Variants in HS3ST4 observed in about 807,000 individuals in gnomAD.
HS3ST4 encodes the protein heparan sulfate-glucosamine 3-sulfotransferase 4, also known as heparan sulfate glucosamine 3-O-sulfotransferase 4.
HS3ST4 carries 17 observed loss-of-function variants against 29.2 expected under a neutral mutation model. The observed-to-expected ratio is 0.58, with a 90% CI of 0.40 to 0.87. HS3ST4 has a LOEUF of 0.87. HS3ST4 is among the 40% of genes least tolerant of loss of function. The pLI is 0.00. For missense variants in HS3ST4, 627 were observed against 634.5 expected (o/e 0.99, Z 0.13); for synonymous variants, 314 against 285.7 (o/e 1.10, Z -1.00).
intron 1 of HS3ST4, among the ~76,000 whole-genome samples, chr16:25,918,881 ATG>A (rs1360373272): frequency 1.3e-5 from 2 of 152,130 alleles, no homozygotes; most frequent in East Asian, 3.9e-4. Flanking sequence ...TAGGTAGTAT[ATG>A]TGTGTGACAT....
intron 1 of HS3ST4, among the ~76,000 whole-genome samples, chr16:25,701,717 A>G (rs1259499264): frequency 2.0e-5 from 3 of 152,208 alleles, no homozygotes; most frequent in Admixed American, 1.3e-4. Context: ...ACCATGTGCT[A>G]TGTGCTTGGC....
intron 1 of HS3ST4, among the ~76,000 whole-genome samples, chr16:25,891,365 C>T (rs4592663): frequency 0.41 from 62,200 of 151,914 alleles, 14,459 homozygotes; most frequent in East Asian, 0.66. Flanking sequence ...TTTAGGAGGG[C>T]GTCTCTGCTT....
intron 1 of HS3ST4, among the ~76,000 whole-genome samples, chr16:25,786,100 G>A (rs893944799): frequency 2.0e-5 from 3 of 152,124 alleles, no homozygotes; most frequent in Non-Finnish European, 2.9e-5. Flanking sequence ...GCTGAGCAGC[G>A]CAATGGAAAA....
intron 1 of HS3ST4, among the ~76,000 whole-genome samples, chr16:25,924,528 G>A (rs1968384475): frequency 6.6e-6 from 1 of 152,080 alleles, no homozygotes; most frequent in Non-Finnish European, 1.5e-5. Context: ...ATGGTAATTG[G>A]TACTTGTTGT....
chr16:25,935,411 A>G (rs11644896), intron 1 of HS3ST4, among the ~76,000 whole-genome samples: 82,984 of 151,948 alleles, frequency 0.55, 23,417 homozygotes, highest in African/African-American at 0.61. Flanking sequence ...GCTTGTGTCC[A>G]TCATTATAGC....
At position 25,741,687 on chromosome 16, in the gene HS3ST4, C is replaced by T. The variant is rs80041371; in HGVS notation, c.734+48536C>T. ...CTAGTTTCTGCCCCATGGAGGAGAC[C>T]ACATATGTTGCTCTTGAGTTTATGC... On this transcript the variant is annotated intron_variant, in intron 1 of 1. Coordinates refer to ENST00000331351, the MANE Select transcript of HS3ST4 (RefSeq NM_006040.3). 2.7e-3 allele frequency among the ~76,000 whole-genome samples: 414 copies of T among 152,164 alleles called. 2 individuals carry two copies. Among genetic ancestry groups the T allele is most frequent in the African/African-American group, 9.4e-3 (389 of 41,506 alleles).
chr16:25,977,485 CAG>C (rs1968955265), intron 1 of HS3ST4, among the ~76,000 whole-genome samples: 1 of 152,168 alleles, frequency 6.6e-6, no homozygotes, highest in African/African-American at 2.4e-5. Flanking sequence ...AATGCTGAAA[CAG>C]TGAATAATAC....
At chr16:25,785,198 C>T (rs1277938639) in intron 1 of HS3ST4, among the ~76,000 whole-genome samples, 1 of 152,156 alleles carries the variant, frequency 6.6e-6, no homozygotes, top group Non-Finnish European at 1.5e-5. Context: ...TCTTGGTCAC[C>T]CAAGAGCACT....
At chr16:26,055,209 A>G (rs528567354) in intron 1 of HS3ST4, among the ~76,000 whole-genome samples, 1 of 152,096 alleles carries the variant, frequency 6.6e-6, no homozygotes, top group Admixed American at 6.5e-5. Context: ...AGAGGAAGGC[A>G]CAGGATTTGA....
At chr16:25,877,037 T>G (rs1029359047) in intron 1 of HS3ST4, among the ~76,000 whole-genome samples, 1 of 152,030 alleles carries the variant, frequency 6.6e-6, no homozygotes, top group Non-Finnish European at 1.5e-5. Context: ...CAGTAAATGT[T>G]TATCGAATGA....
intron 1 of HS3ST4, among the ~76,000 whole-genome samples, chr16:25,890,816 G>A (rs1968000138): frequency 6.6e-6 from 1 of 152,190 alleles, no homozygotes; most frequent in South Asian, 2.1e-4. Context: ...GTACAGTAAG[G>A]ATTCAAGAGA....
At chr16:25,743,650 C>T (rs898055608) in intron 1 of HS3ST4, among the ~76,000 whole-genome samples, 1 of 152,078 alleles carries the variant, frequency 6.6e-6, no homozygotes, top group African/African-American at 2.4e-5. Flanking sequence ...GGATTACAGG[C>T]GTGCTTCACC....
chr16:25,976,497 A>G (rs1397210499), intron 1 of HS3ST4, among the ~76,000 whole-genome samples: 1 of 152,112 alleles, frequency 6.6e-6, no homozygotes, highest in Non-Finnish European at 1.5e-5. Context: ...TGTCCCCATC[A>G]TGGAATCTTC....
intron 1 of HS3ST4, among the ~76,000 whole-genome samples, chr16:25,695,742 A>G (rs1466015365): frequency 1.3e-5 from 2 of 152,234 alleles, no homozygotes; most frequent in South Asian, 2.1e-4. Flanking sequence ...TTCCTATAAC[A>G]GGTATGCTAT....
chr16:25,808,227 T>A (rs1967007345), intron 1 of HS3ST4, among the ~76,000 whole-genome samples: 1 of 152,218 alleles, frequency 6.6e-6, no homozygotes, highest in South Asian at 2.1e-4. Flanking sequence ...AAGACTTTCA[T>A]CTATTTTTAT....
intron 1 of HS3ST4, among the ~76,000 whole-genome samples, chr16:25,940,498 A>G (rs1000249112): frequency 6.6e-6 from 1 of 152,228 alleles, no homozygotes; most frequent in Non-Finnish European, 1.5e-5. Flanking sequence ...CAACATGAGC[A>G]GGGATTTGCA....
At chr16:25,702,974 C>T (rs1164977912) in intron 1 of HS3ST4, among the ~76,000 whole-genome samples, 1 of 152,006 alleles carries the variant, frequency 6.6e-6, no homozygotes, top group Non-Finnish European at 1.5e-5. Context: ...TCCTGGCTCA[C>T]GTGGTGAAAC....
intron 1 of HS3ST4, among the ~76,000 whole-genome samples, chr16:26,026,476 CT>C (rs1480542772): frequency 6.6e-6 from 1 of 152,164 alleles, no homozygotes; most frequent in African/African-American, 2.4e-5. Flanking sequence ...TATCTTTCTC[CT>C]TTGCTATTAT....
intron 1 of HS3ST4, among the ~76,000 whole-genome samples, chr16:25,819,541 G>A (rs182647737): frequency 6.6e-6 from 1 of 152,130 alleles, no homozygotes; most frequent in Non-Finnish European, 1.5e-5. Context: ...TCTGTTTTGC[G>A]CTGGTGGTTC....
Sources: gnomAD v4.1 joint callset for allele counts (sites outside exome capture counted in the v4.1 genomes callset) on GRCh38, gnomAD v4.1.1 for gene constraint, MANE v1.5 for transcripts, NCBI Gene and HGNC (gene_info 2026-07-23, HGNC 2026-07-21) for gene names.